The following A4GALT variants were observed in gnomAD, a reference collection of about 807,000 sequenced individuals.
The protein encoded by A4GALT is alpha 1,4-galactosyltransferase (P1PK blood group).
For synonymous variants in A4GALT, 257 were observed against 220.7 expected (o/e 1.16, Z -1.46); for missense variants, 512 against 486.0 (o/e 1.05, Z -0.50).
At chr22:42,720,256 G>GA (rs1396116851) in intron 1 of A4GALT, among the ~76,000 whole-genome samples, 2 of 152,304 alleles carry the variant, frequency 1.3e-5, no homozygotes, top group Non-Finnish European at 2.9e-5. Context: ...TCCCGCTTCT[G>GA]GGCAGGTCCA....
chr22:42,698,645 G>T (rs878996757), intron 1 of A4GALT, among the ~76,000 whole-genome samples: 2 of 152,206 alleles, frequency 1.3e-5, no homozygotes, highest in Non-Finnish European at 2.9e-5. Flanking sequence ...CAGAGGCCCC[G>T]AGAGGCAAAG....
intron 1 of A4GALT, among the ~76,000 whole-genome samples, chr22:42,714,955 A>G (rs1170804144): frequency 2.0e-5 from 3 of 151,698 alleles, no homozygotes; most frequent in African/African-American, 7.3e-5. Context: ...GCCCTGGAGT[A>G]AGTGACTCAG....
chr22:42,699,962 TGA>T (rs998625540), intron 1 of A4GALT, among the ~76,000 whole-genome samples: 24 of 152,222 alleles, frequency 1.6e-4, no homozygotes, highest in African/African-American at 5.3e-4. Context: ...ACTGCTGAGC[TGA>T]GAGAGGATGT....
At chr22:42,704,022 C>A (rs1005134764) in intron 1 of A4GALT, among the ~76,000 whole-genome samples, 13 of 152,142 alleles carry the variant, frequency 8.5e-5, no homozygotes, top group African/African-American at 2.9e-4. Flanking sequence ...ACTCAGACCC[C>A]CCTTGATGTG....
chr22:42,717,155 T>G (rs1411607423), intron 1 of A4GALT, among the ~76,000 whole-genome samples: 1 of 152,098 alleles, frequency 6.6e-6, no homozygotes, highest in Non-Finnish European at 1.5e-5. Context: ...ACCCCCAGGA[T>G]ATGTCCAGAG....
intron 1 of A4GALT, among the ~76,000 whole-genome samples, chr22:42,716,941 T>G (rs1345041638): frequency 6.6e-6 from 1 of 152,210 alleles, no homozygotes; most frequent in Non-Finnish European, 1.5e-5. Flanking sequence ...CATGTGCTGG[T>G]CCACCTGGCT....
chr22:42,693,226 G>T lies in A4GALT; in HGVS notation c.726C>A (p.Asn242Lys). Reference sequence around the variant, plus strand: ...GGCCCTGGTGACCCCAGATCCAGCCGTTGTAGTGGTCCACGAAGTCCCGCA... The same window carrying T: ...GGCCCTGGTGACCCCAGATCCAGCCTTTGTAGTGGTCCACGAAGTCCCGCA... ...LCMRDFVDHY[N>K]GWIWGHQGPQ... is the part of the protein sequence containing the mutation. Residue 242 changes from asparagine (N) to lysine (K), a missense_variant, in exon 3 of 3, where the codon AAC becomes AAA. Asn to Lys is a moderately conservative substitution (Grantham distance 94, BLOSUM62 0). Transcript: ENST00000642412. 1 of 1,608,776 alleles carries T rather than the reference G, an allele frequency of 6.2e-7. No homozygotes were observed. The highest frequency in any genetic ancestry group is 8.5e-7 in the Non-Finnish European group (1 of 1,178,234).
Position 42,693,259 on chromosome 22 carries a change from C to T in A4GALT, c.693G>A (p.Ala231=), listed in dbSNP as rs1269063077. 6.8e-6 allele frequency: 11 copies of T among 1,612,438 alleles called. No individual in the cohort carries two copies. The highest frequency in any genetic ancestry group is 9.3e-6 in the Non-Finnish European group (11 of 1,179,810). Residue 231 remains alanine, a synonymous_variant, in exon 3 of 3, where the codon GCG becomes GCA. Transcript: ENST00000642412. ...GGTCCACGAAGTCCCGCATGCACAG[C>T]GCCATGAACTCGTGCCGGCGCTCGA... The part of the protein sequence containing the change: ...LAFERRHEFM[A]LCMRDFVDHY...
chr22:42,715,911 C>T (rs992902795), intron 1 of A4GALT, among the ~76,000 whole-genome samples: 6 of 151,234 alleles, frequency 4.0e-5, no homozygotes, highest in Admixed American at 3.3e-4. Flanking sequence ...CAGCTCACTG[C>T]AAACTCCGCC....
chr22:42,710,749 T>C (rs1033976648), intron 1 of A4GALT, among the ~76,000 whole-genome samples: 3 of 151,488 alleles, frequency 2.0e-5, no homozygotes, highest in African/African-American at 7.3e-5. Context: ...CAATGCAGCC[T>C]TGTGGCTGAC....
At chr22:42,713,841 C>A (rs1191177941) in intron 1 of A4GALT, among the ~76,000 whole-genome samples, 16 of 143,756 alleles carry the variant, frequency 1.1e-4, no homozygotes, top group Non-Finnish European at 2.3e-4. Context: ...GACAGACAGA[C>A]AGACAGACAG....
In A4GALT at chr22:42,706,354, C is replaced by CAAAAAAAA. The variant is rs1164664187; in HGVS notation, c.-187-10731_-187-10724dup. On this transcript the variant is annotated intron_variant, in intron 1 of 2. Transcript: ENST00000642412. ...TGGGTGACAGAGCGAGACTCCATCCCAAAAAAAAAAAAAAAAAAAAAAAGT... is the reference window on the plus strand; with the variant it reads ...TGGGTGACAGAGCGAGACTCCATCCCAAAAAAAAAAAAAAAAAAAAAAAAAAAAAAAGT... 8.4e-5 allele frequency among the ~76,000 whole-genome samples: 7 copies of CAAAAAAAA among 83,812 alleles called. 1 individual carries two copies. Among genetic ancestry groups the CAAAAAAAA allele is most frequent in the African/African-American group, 1.5e-4 (3 of 20,212 alleles). The allele number at this position is 83,812 out of a possible 152,430, so 55.0% of individuals were successfully genotyped here. A position where few individuals can be genotyped will look rare whatever the true frequency, so the allele number is the denominator to read the frequency against.
rs1466353248 is a variant in A4GALT at position 42,693,826 on chromosome 22, A to G, written c.126T>C (p.Val42=). 1 of 1,607,914 alleles carries G rather than the reference A, an allele frequency of 6.2e-7. No homozygotes were observed. Among genetic ancestry groups the G allele is most frequent in the African/African-American group, 1.3e-5 (1 of 74,988 alleles). ...FFVSIMIYWH[V]VGEPKEKGQL... is the part of the protein sequence containing the mutation. ...GCCCTTTCTCCTTGGGCTCTCCCACAACGTGCCAGTAGATCATGATGGAGA... is the reference window on the plus strand; with the variant it reads ...GCCCTTTCTCCTTGGGCTCTCCCACGACGTGCCAGTAGATCATGATGGAGA... The change falls in exon 3 of 3, where the codon GTT becomes GTC. Residue 42 remains valine, a synonymous_variant. Transcript: ENST00000642412.
rs1217174127 is a variant in A4GALT at position 42,692,935 on chromosome 22, G to A, written c.1017C>T (p.Ala339=). The change falls in exon 3 of 3, where the codon GCC becomes GCT. Residue 339 remains alanine, a synonymous_variant. Transcript: ENST00000642412. The surrounding 1 kb of genome is among the most constrained non-coding windows in gnomAD (Gnocchi z 4.6). ...CCTCGTGCGTCGTGGGGCAGTAGCG[G>A]GCATGCAGCTGGGCCAGCAGTGCCC... The part of the protein sequence containing the change: ...TSRALLAQLH[A]RYCPTTHEAM... The A allele has an allele frequency of 3.7e-6, 6 of 1,610,054 alleles. No individual in the cohort carries two copies. Among genetic ancestry groups the A allele is most frequent in the Non-Finnish European group, 5.1e-6 (6 of 1,179,940 alleles).
chr22:42,705,314 GC>G (rs1218661089), intron 1 of A4GALT, among the ~76,000 whole-genome samples: 1 of 152,132 alleles, frequency 6.6e-6, no homozygotes, highest in African/African-American at 2.4e-5. Flanking sequence ...TGAAAATATT[GC>G]CACAGCCGGG....
intron 1 of A4GALT, among the ~76,000 whole-genome samples, chr22:42,704,545 T>C (rs1253362165): frequency 1.3e-5 from 2 of 151,442 alleles, no homozygotes; most frequent in Non-Finnish European, 2.9e-5. Context: ...GAAGGGCTGT[T>C]TGTAAGAAGG....
rs769360984 is a variant in A4GALT, at chr22:42,693,582, G to A, written c.370C>T (p.Leu124=). Residue 124 remains leucine (L), a synonymous_variant, in exon 3 of 3, where the codon CTG becomes TTG. Transcript: ENST00000642412. ...MKGLPGGNAS[L]PRHLGISLLS... ...AGTGAGATGCCCAGGTGCCGGGGCA[G>A]AGAGGCGTTGCCACCCGGAAGCCCT... 2 of 1,613,696 alleles carry A rather than the reference G, an allele frequency of 1.2e-6. No individual in the cohort carries two copies. Among genetic ancestry groups the A allele is most frequent in the Non-Finnish European group, 1.7e-6 (2 of 1,180,032 alleles).
At chr22:42,711,412 T>A (rs540843547) in intron 1 of A4GALT, among the ~76,000 whole-genome samples, 2 of 152,326 alleles carry the variant, frequency 1.3e-5, no homozygotes, top group East Asian at 3.9e-4. Flanking sequence ...TGGGGCTTTA[T>A]CCTACAGATG....
At chr22:42,701,215 C>G (rs940251901) in intron 1 of A4GALT, among the ~76,000 whole-genome samples, 1 of 152,224 alleles carries the variant, frequency 6.6e-6, no homozygotes, top group Non-Finnish European at 1.5e-5. Context: ...CCTGCACCAA[C>G]ATACCTGAGC....
Sources: allele counts gnomAD v4.1 joint callset (sites outside exome capture counted in the v4.1 genomes callset), GRCh38; gene constraint gnomAD v4.1.1; non-coding constraint Gnocchi (gnomAD v3.1); transcripts MANE v1.5; gene names NCBI Gene and HGNC (gene_info 2026-07-23, HGNC 2026-07-21).